CMKLR1: variants seen among roughly 807,000 people sequenced by gnomAD.
CMKLR1 encodes chemerin chemokine-like receptor 1, also known as chemerin-like receptor 1.
Under a neutral mutation model 8.2 loss-of-function variants are expected in CMKLR1, and 6 were observed. The ratio of observed to expected loss-of-function variants is 0.73; its 90% CI spans 0.40 to 1.44. The LOEUF (loss-of-function observed/expected upper bound fraction) is 1.44. CMKLR1 is among the 40% of genes most tolerant of loss of function. The pLI, the probability that CMKLR1 is intolerant of heterozygous loss-of-function variation, is 0.02. For missense variants in CMKLR1, 429 were observed against 478.0 expected, an observed-to-expected ratio of 0.90 and a Z score of 0.96; for synonymous variants, 178 against 181.2, an observed-to-expected ratio of 0.98 and a Z score of 0.14.
chr12:108,297,897 A>C (rs1365356922), intron 2 of CMKLR1, among the ~76,000 whole-genome samples: 2 of 152,234 alleles, frequency 1.3e-5, no homozygotes, highest in East Asian at 1.9e-4. Context: ...CTCTGCAGTC[A>C]GTTACCACAT....
At chr12:108,296,377 T>C (rs1891135366) in intron 2 of CMKLR1, among the ~76,000 whole-genome samples, 1 of 152,230 alleles carries the variant, frequency 6.6e-6, no homozygotes, top group Non-Finnish European at 1.5e-5. Context: ...ACTATATTGT[T>C]GTTATTGGCA....
At chr12:108,319,651 T>C (rs556157853) in intron 2 of CMKLR1, among the ~76,000 whole-genome samples, 4 of 152,342 alleles carry the variant, frequency 2.6e-5, no homozygotes, top group African/African-American at 9.6e-5. Flanking sequence ...AGAATAATAA[T>C]ACCTGGCCCA....
At chr12:108,307,701 G>T (rs1226782073) in intron 2 of CMKLR1, among the ~76,000 whole-genome samples, 2 of 152,164 alleles carry the variant, frequency 1.3e-5, no homozygotes, top group Non-Finnish European at 2.9e-5. Flanking sequence ...TCTGCAAGAG[G>T]CTCTGCAAAG....
At chr12:108,312,872 C>G (rs1891621135) in intron 2 of CMKLR1, among the ~76,000 whole-genome samples, 1 of 152,180 alleles carries the variant, frequency 6.6e-6, no homozygotes, top group South Asian at 2.1e-4. Context: ...TCACCCCCCT[C>G]TGCACAGTCT....
intron 2 of CMKLR1, among the ~76,000 whole-genome samples, chr12:108,309,924 T>G (rs1035966634): frequency 1.3e-5 from 2 of 152,240 alleles, no homozygotes; most frequent in Admixed American, 6.5e-5. Flanking sequence ...TTTGTGGACA[T>G]GAAAAATGTT....
Position 108,292,976 on chromosome 12 carries a change from G to T in CMKLR1, c.4-17C>A. Reference sequence around the variant, plus strand: ...CTCCATTCTCTGCAAGAGAAGACAGGGACCATTAGAGGAACCCTAGAGTTG... The same window carrying T: ...CTCCATTCTCTGCAAGAGAAGACAGTGACCATTAGAGGAACCCTAGAGTTG... On this transcript the variant is annotated splice_polypyrimidine_tract_variant and intron_variant, in intron 3 of 3. Coordinates refer to ENST00000550402, the MANE Select transcript of CMKLR1 (RefSeq NM_001142343.2). 2 of 1,587,866 alleles carry T rather than the reference G, an allele frequency of 1.3e-6. No individual in the cohort carries two copies. The highest frequency in any genetic ancestry group is 1.7e-6 in the Non-Finnish European group (2 of 1,165,824).
intron 2 of CMKLR1, among the ~76,000 whole-genome samples, chr12:108,319,636 C>G (rs941072004): frequency 1.3e-5 from 2 of 152,118 alleles, no homozygotes; most frequent in Non-Finnish European, 2.9e-5. Context: ...GGAATATAAA[C>G]AGCTAGAATA....
intron 2 of CMKLR1, among the ~76,000 whole-genome samples, chr12:108,328,127 T>C (rs2137339751): frequency 6.6e-6 from 1 of 152,230 alleles, no homozygotes; most frequent in Admixed American, 6.5e-5. Context: ...AAGAAAGGCC[T>C]GTTTAGGCCA....
At position 108,292,597 on chromosome 12, in the gene CMKLR1, G is replaced by A; in HGVS notation, c.366C>T (p.Asn122=). 1 of 1,614,188 alleles carries A rather than the reference G, an allele frequency of 6.2e-7. No homozygotes were observed. The highest frequency in any genetic ancestry group is 1.1e-5 in the South Asian group (1 of 91,070). Residue 122 remains asparagine, a synonymous_variant, in exon 4 of 4, where the codon AAC becomes AAT. Transcript: ENST00000550402. ...CKISNFLLIH[N]MFTSVFLLTI... is the part of the protein sequence containing the mutation. ...TCAGCAGGAAGACGCTGGTGAACAT[G>A]TTGTGGATGAGAAGGAAGTTGCTGA... is the stretch of plus-strand genomic sequence containing the variant.
rs983476632 is a variant in CMKLR1 at position 108,292,399 on chromosome 12, G to A, written c.564C>T (p.Ser188=). Reference sequence around the variant, plus strand: ...TGGACAGGCTGAAGTTGTTGAAGCAGGATATTTTCCCATGCAGGTTGGCTG... The same window carrying A: ...TGGACAGGCTGAAGTTGTTGAAGCAAGATATTTTCCCATGCAGGTTGGCTG... ...RDTANLHGKI[S]CFNNFSLSTP... Residue 188 remains serine, a synonymous_variant, in exon 4 of 4, where the codon TCC becomes TCT. Coordinates refer to ENST00000550402, the MANE Select transcript of CMKLR1 (RefSeq NM_001142343.2). 2 of 1,614,182 alleles carry A rather than the reference G, an allele frequency of 1.2e-6. No homozygotes were observed. Among genetic ancestry groups the A allele is most frequent in the Non-Finnish European group, 1.7e-6 (2 of 1,180,038 alleles).
rs1890958386 is a variant in CMKLR1 at position 108,291,349 on chromosome 12, C to T, written c.*492G>A. 1 of 158,806 alleles carries T rather than the reference C, an allele frequency of 6.3e-6. No homozygotes were observed. Among genetic ancestry groups the T allele is most frequent in the Non-Finnish European group, 1.4e-5 (1 of 72,050 alleles). The allele number at this position is 158,806 out of a possible 1,614,324, so 9.8% of individuals were successfully genotyped here. ...CAGATCACCTATGCATTTCCACATA[C>T]TTTAACACAGAGCAGTGACTTGAAG... is the stretch of plus-strand genomic sequence containing the variant. On this transcript the variant is annotated 3_prime_UTR_variant, in exon 4 of 4. Transcript: ENST00000550402.
intron 2 of CMKLR1, among the ~76,000 whole-genome samples, chr12:108,324,022 C>T (rs556520121): frequency 5.3e-5 from 8 of 152,282 alleles, no homozygotes; most frequent in African/African-American, 1.9e-4. Flanking sequence ...CTGTCAGAGA[C>T]CCAGCCCAGG....
chr12:108,296,624 G>C (rs1013209892), intron 2 of CMKLR1, among the ~76,000 whole-genome samples: 1 of 152,150 alleles, frequency 6.6e-6, no homozygotes, highest in East Asian at 1.9e-4. Context: ...CCAGGAGTTT[G>C]AGACCAGCCT....
chr12:108,338,957 T>A (rs1380370358), intron 1 of CMKLR1, 70 bp downstream of exon 1: 1 of 152,202 alleles, frequency 6.6e-6, no homozygotes, highest in Non-Finnish European at 1.5e-5. Context: ...CAAACTTTTC[T>A]CTCTGTTAGT....
chr12:108,324,532 G>A (rs1040833300), intron 2 of CMKLR1, among the ~76,000 whole-genome samples: 4 of 152,156 alleles, frequency 2.6e-5, no homozygotes, highest in Non-Finnish European at 4.4e-5. Context: ...CCAGAGCACA[G>A]ACGAGGCGCC....
At chr12:108,297,347 T>C (rs1416421243) in intron 2 of CMKLR1, among the ~76,000 whole-genome samples, 2 of 152,202 alleles carry the variant, frequency 1.3e-5, no homozygotes, top group African/African-American at 4.8e-5. Context: ...CATAAAAAAA[T>C]ACGTGTCAAT....
chr12:108,309,717 G>A (rs2137314982), intron 2 of CMKLR1, among the ~76,000 whole-genome samples: 1 of 152,308 alleles, frequency 6.6e-6, no homozygotes, highest in Admixed American at 6.5e-5. Context: ...AACTGGCCAT[G>A]CTGGGCTTGC....
intron 2 of CMKLR1, among the ~76,000 whole-genome samples, chr12:108,312,706 G>C (rs1447574770): frequency 6.6e-6 from 1 of 152,202 alleles, no homozygotes; most frequent in Non-Finnish European, 1.5e-5. Context: ...TGGAGTCCAG[G>C]TCTTCAGTGA....
At chr12:108,316,702 T>C (rs1891743528) in intron 2 of CMKLR1, among the ~76,000 whole-genome samples, 2 of 152,170 alleles carry the variant, frequency 1.3e-5, no homozygotes, top group Admixed American at 1.3e-4. Flanking sequence ...TGCATTTGCA[T>C]ACATTTAAAA....
Sources: gnomAD v4.1 joint callset for allele counts (sites outside exome capture counted in the v4.1 genomes callset) on GRCh38, gnomAD v4.1.1 for gene constraint, MANE v1.5 for transcripts, NCBI Gene and HGNC (gene_info 2026-07-23, HGNC 2026-07-21) for gene names.